The following EPB41L3 variants were observed in gnomAD, a reference collection of about 807,000 sequenced individuals.
EPB41L3 encodes the protein band 4.1-like protein 3.
A neutral mutation model predicts 127.1 loss-of-function variants in EPB41L3; 57 were observed. That is an observed-to-expected ratio of 0.45 (90% CI 0.36 to 0.56). The LOEUF (loss-of-function observed/expected upper bound fraction) is 0.56, where lower values mean the gene tolerates loss of function less well. Ranked by LOEUF, EPB41L3 falls within the 20% of genes least tolerant of loss-of-function variation. EPB41L3 has a pLI of 0.00. For synonymous variants in EPB41L3, 572 were observed against 549.5 expected, an observed-to-expected ratio of 1.04 and a Z score of -0.57; for missense variants, 1,273 against 1,372.2, an observed-to-expected ratio of 0.93 and a Z score of 1.14.
At chr18:5,561,252 T>C (rs570870069) in intron 3 of EPB41L3, among the ~76,000 whole-genome samples, 175 of 152,212 alleles carry the variant, frequency 1.1e-3, no homozygotes, top group Middle Eastern at 3.4e-3. Context: ...GCTGGGATTA[T>C]AGGCGTGAGC....
At chr18:5,529,595 G>C (rs1893196) in intron 1 of EPB41L3, among the ~76,000 whole-genome samples, 37,091 of 152,018 alleles carry the variant, frequency 0.24, 4,820 homozygotes, top group African/African-American at 0.33. Flanking sequence ...AATGCAAAGG[G>C]AGCATTGCAG....
intron 1 of EPB41L3, chr18:5,539,770 C>T (rs1237932360): frequency 1.3e-5 from 2 of 152,178 alleles, no homozygotes; most frequent in Non-Finnish European, 2.9e-5. Context: ...ATTTATTCAA[C>T]ACTAATTTGG....
intron 1 of EPB41L3, among the ~76,000 whole-genome samples, chr18:5,517,540 G>A (rs1048085540): frequency 2.0e-5 from 3 of 152,034 alleles, no homozygotes; most frequent in African/African-American, 2.4e-5. Flanking sequence ...AGGTTCAAGC[G>A]ATTCTCCACC....
chr18:5,468,351 G>A (rs962678230), intron 3 of EPB41L3, among the ~76,000 whole-genome samples: 1 of 152,190 alleles, frequency 6.6e-6, no homozygotes, highest in Non-Finnish European at 1.5e-5. Context: ...GAAACATGTG[G>A]GCCAGGCTCT....
At position 5,415,888 on chromosome 18, in the gene EPB41L3, T is replaced by G. The variant is rs1439944194; in HGVS notation, c.1997A>C (p.Tyr666Ser). The change falls in exon 13 of 23, where the codon TAC (tyrosine) becomes TCC (serine). Residue 666 changes from tyrosine to serine, a missense_variant. Physicochemically the swap from Tyr to Ser is moderately radical, Grantham distance 144. Transcript: ENST00000341928. ...LSFPLALCLCYLEPKAASLSA... is the reference protein window; with the variant it reads ...LSFPLALCLCSLEPKAASLSA... The stretch of plus-strand genomic sequence containing the variant: ...CAAGGAGGCCGCCTTGGGCTCCAGG[T>G]AGCAGAGGCACAGAGCCAGAGGGAA... The G allele has an allele frequency of 2.5e-6, 4 of 1,613,722 alleles. No individual in the cohort carries two copies. Among genetic ancestry groups the G allele is most frequent in the Middle Eastern group, 1.7e-4 (1 of 6,044 alleles).
At chr18:5,487,319 T>C (rs2089916496) in intron 2 of EPB41L3, among the ~76,000 whole-genome samples, 1 of 151,728 alleles carries the variant, frequency 6.6e-6, no homozygotes, top group African/African-American at 2.4e-5. Context: ...TACGTGAGGC[T>C]GGGAAGGATA....
At chr18:5,418,956 GC>G (rs547949437) in intron 12 of EPB41L3, among the ~76,000 whole-genome samples, 243 of 152,220 alleles carry the variant, frequency 1.6e-3, no homozygotes, top group Non-Finnish European at 3.2e-3. Flanking sequence ...CAGGCCAGGA[GC>G]CACTCTGTTT....
In EPB41L3 at chr18:5,411,894, C is replaced by T. The variant is rs2076243984; in HGVS notation, c.2068-1275G>A. Among the ~76,000 whole-genome samples the T allele has an allele frequency of 2.6e-5, 4 of 152,164 alleles. No homozygotes were observed. In the South Asian group the frequency reaches 8.3e-4, roughly 32 times the overall value. On this transcript the variant is annotated intron_variant, in intron 13 of 22. Coordinates refer to ENST00000341928, the MANE Select transcript of EPB41L3 (RefSeq NM_012307.5). ...CTGAACACATGCTCAGCACATGTAC[C>T]TGAGGACACCATTCTGGCACCCTTG...
chr18:5,484,941 C>T (rs1173149977), intron 2 of EPB41L3, among the ~76,000 whole-genome samples: 2 of 141,216 alleles, frequency 1.4e-5, no homozygotes, highest in African/African-American at 2.6e-5. Context: ...TTAAACTCTT[C>T]AAAAAAAAAA....
chr18:5,424,195 A>G, intron 10 of EPB41L3, 67 bp downstream of exon 10: 1 of 1,093,124 alleles, frequency 9.1e-7, no homozygotes, highest in Non-Finnish European at 1.3e-6. Flanking sequence ...TTTTTTATTG[A>G]CAATCTTTTT....
At chr18:5,533,871 A>G (rs2093487464) in intron 1 of EPB41L3, among the ~76,000 whole-genome samples, 1 of 151,308 alleles carries the variant, frequency 6.6e-6, no homozygotes, top group African/African-American at 2.4e-5. Flanking sequence ...GACCAGCCAT[A>G]AAGAAACCCA....
intron 1 of EPB41L3, among the ~76,000 whole-genome samples, chr18:5,518,078 G>C (rs935020217): frequency 1.3e-5 from 2 of 152,066 alleles, no homozygotes; most frequent in African/African-American, 4.8e-5. Context: ...TCCCCACAAG[G>C]TCTATTTATT....
chr18:5,541,026 A>G (rs2093706294), intron 1 of EPB41L3, among the ~76,000 whole-genome samples: 1 of 144,580 alleles, frequency 6.9e-6, no homozygotes, highest in Non-Finnish European at 1.5e-5. Flanking sequence ...CGGAGCTTGC[A>G]GTGAGCCGAG....
At chr18:5,415,789 G>A in intron 13 of EPB41L3, 29 bp downstream of exon 13, 4 of 1,592,726 alleles carry the variant, frequency 2.5e-6, no homozygotes, top group Non-Finnish European at 3.4e-6. Flanking sequence ...AACACGAAGG[G>A]GAAGCGTGTT....
rs551788364 is a variant in EPB41L3 at position 5,560,373 on chromosome 18, G to GT, written c.-306+51966dup. Among the ~76,000 whole-genome samples, 23 of 151,716 alleles carry GT rather than the reference G, an allele frequency of 1.5e-4. No individual in the cohort carries two copies. In the South Asian group the frequency reaches 1.7e-3, roughly 11 times the overall value. On this transcript the variant is annotated intron_variant, in intron 3 of 21. Coordinates refer to the EPB41L3 transcript ENST00000545076. ...GAAGAACTCTCATCCCTACCATAAA[G>GT]TTTTTTTTTAAGAACAAGCTTCCTC...
chr18:5,414,506 A>C (rs2076559631), intron 13 of EPB41L3, among the ~76,000 whole-genome samples: 1 of 152,172 alleles, frequency 6.6e-6, no homozygotes, highest in Non-Finnish European at 1.5e-5. Context: ...CTATATACTC[A>C]CAGGTGCAGC....
intron 7 of EPB41L3, 107 bp from the exon 8 acceptor site, chr18:5,433,663 C>T (rs2079318571): frequency 4.1e-6 from 4 of 985,724 alleles, no homozygotes; most frequent in African/African-American, 1.6e-5. Context: ...TATGGAGGCA[C>T]CAGCAGATAC....
intron 3 of EPB41L3, among the ~76,000 whole-genome samples, chr18:5,595,750 C>G (rs1205898569): frequency 6.6e-6 from 1 of 152,148 alleles, no homozygotes; most frequent in East Asian, 1.9e-4. Context: ...TTCTCCATTT[C>G]AGAATTCCTG....
At chr18:5,622,990 A>G (rs562714795) in intron 1 of EPB41L3, among the ~76,000 whole-genome samples, 22 of 124,124 alleles carry the variant, frequency 1.8e-4, no homozygotes, top group Non-Finnish European at 2.7e-4. Context: ...CTATCAGACC[A>G]GTAACTAAAA....
Sources: allele counts gnomAD v4.1 joint callset (sites outside exome capture counted in the v4.1 genomes callset), GRCh38; gene constraint gnomAD v4.1.1; transcripts MANE v1.5; gene names NCBI Gene and HGNC (gene_info 2026-07-23, HGNC 2026-07-21).